The following SORBS2 variants were observed in gnomAD, a reference collection of about 807,000 sequenced individuals.
The protein encoded by SORBS2 is sorbin and SH3 domain containing 2.
Under a neutral mutation model 97.7 loss-of-function variants are expected in SORBS2, and 46 were observed. The observed-to-expected ratio is 0.47, with a 90% CI of 0.37 to 0.60. The LOEUF (loss-of-function observed/expected upper bound fraction) is 0.60. SORBS2 is among the 20% of genes least tolerant of loss of function. The pLI is 0.00. For missense variants in SORBS2, 1,316 were observed against 1,282.3 expected, an observed-to-expected ratio of 1.03 and a Z score of -0.40; for synonymous variants, 476 against 473.4, an observed-to-expected ratio of 1.01 and a Z score of -0.07.
intron 1 of SORBS2, among the ~76,000 whole-genome samples, chr4:185,937,769 G>A (rs1010006308): frequency 2.0e-5 from 3 of 152,254 alleles, no homozygotes; most frequent in Admixed American, 6.5e-5. Context: ...GAAGAGGGAT[G>A]CTGCCTCAGC....
At chr4:185,868,897 T>G (rs751673129) in intron 1 of SORBS2, among the ~76,000 whole-genome samples, 1 of 152,200 alleles carries the variant, frequency 6.6e-6, no homozygotes, top group Non-Finnish European at 1.5e-5. Context: ...ATATTCCACT[T>G]TAAATACAGG....
chr4:185,704,418 A>G (rs2098310705), intron 2 of SORBS2, among the ~76,000 whole-genome samples: 1 of 151,434 alleles, frequency 6.6e-6, no homozygotes, highest in African/African-American at 2.5e-5. Context: ...TCCCAGGTTC[A>G]AGCTCTTCTC....
rs566921907 is a variant in SORBS2 at position 185,666,295 on chromosome 4, G to A, written c.-45-4053C>T. 148 of 628,778 alleles carry A rather than the reference G, an allele frequency of 2.4e-4. 2 individuals are homozygous for A. The highest frequency in any genetic ancestry group is 1.4e-4 in the Non-Finnish European group (56 of 403,392). The allele number at this position is 628,778 out of a possible 1,614,324, so 38.9% of individuals were successfully genotyped here. A position where few individuals can be genotyped will look rare whatever the true frequency, so the allele number is the denominator to read the frequency against. ...GATGTGGCAGAGAAGGCAAAGCATC[G>A]GTTTTATTTGCAAGCACTTTAAGGA... is the stretch of plus-strand genomic sequence containing the variant. On this transcript the variant is annotated intron_variant, in intron 4 of 20. Transcript: ENST00000284776.
At chr4:185,928,279 C>T (rs1169149738) in intron 1 of SORBS2, among the ~76,000 whole-genome samples, 1 of 152,014 alleles carries the variant, frequency 6.6e-6, no homozygotes, top group African/African-American at 2.4e-5. Flanking sequence ...TGGTATGTGC[C>T]TGTGGTCCCA....
intron 11 of SORBS2, among the ~76,000 whole-genome samples, chr4:185,613,800 G>A (rs1422029921): frequency 6.6e-6 from 1 of 152,146 alleles, no homozygotes; most frequent in African/African-American, 2.4e-5. Context: ...AGGAGACAGA[G>A]TTCATGTAAT....
chr4:185,951,168 T>C (rs1225591989), intron 1 of SORBS2, among the ~76,000 whole-genome samples: 1 of 152,174 alleles, frequency 6.6e-6, no homozygotes, highest in Middle Eastern at 3.2e-3. Context: ...GTCCCAGCTG[T>C]TAACAGGTAT....
intron 2 of SORBS2, among the ~76,000 whole-genome samples, chr4:185,691,290 C>G (rs1185019868): frequency 6.6e-6 from 1 of 152,064 alleles, no homozygotes; most frequent in Non-Finnish European, 1.5e-5. Flanking sequence ...GCCTTAATTT[C>G]CCGGGCTCAA....
chr4:185,915,837 A>C (rs1406353623), intron 1 of SORBS2, among the ~76,000 whole-genome samples: 2 of 152,234 alleles, frequency 1.3e-5, no homozygotes, highest in African/African-American at 4.8e-5. Flanking sequence ...TAACACAAAA[A>C]AACCTAACCC....
At chr4:185,771,694 G>C (rs1007916457) in intron 2 of SORBS2, 2 of 152,170 alleles carry the variant, frequency 1.3e-5, no homozygotes, top group South Asian at 2.1e-4. Flanking sequence ...GAAATTTGAT[G>C]GCAATTTAAT....
At chr4:185,674,275 A>C (rs549300162) in intron 4 of SORBS2, among the ~76,000 whole-genome samples, 1 of 152,332 alleles carries the variant, frequency 6.6e-6, no homozygotes, top group South Asian at 2.1e-4. Flanking sequence ...GCTGATGGCG[A>C]TGCTATCTTC....
chr4:185,938,389 TACACACACACACACAC>T (rs34337257), intron 1 of SORBS2, among the ~76,000 whole-genome samples: 13 of 136,440 alleles, frequency 9.5e-5, no homozygotes, highest in Non-Finnish European at 7.9e-5. Context: ...TGTAGACACA[TACACACACACACACAC>T]ACACACACAC....
chr4:185,750,441 A>G (rs1045929209), intron 2 of SORBS2, among the ~76,000 whole-genome samples: 3 of 152,184 alleles, frequency 2.0e-5, no homozygotes, highest in African/African-American at 7.2e-5. Context: ...AGACTCACAT[A>G]TTCCGTAGCA....
At chr4:185,848,620 T>C (rs969235868) in intron 1 of SORBS2, among the ~76,000 whole-genome samples, 5 of 3,974 alleles carry the variant, frequency 1.3e-3, no homozygotes, top group Non-Finnish European at 2.8e-3. Context: ...GGATATCTCT[T>C]TTTTTTTTTT....
chr4:185,891,832 C>G (rs981628992), intron 1 of SORBS2, among the ~76,000 whole-genome samples: 1 of 152,078 alleles, frequency 6.6e-6, no homozygotes. Context: ...CAGGTGGTTA[C>G]AATAACTTTT....
intron 1 of SORBS2, among the ~76,000 whole-genome samples, chr4:185,655,660 G>T (rs1449911617): frequency 2.6e-5 from 4 of 152,160 alleles, no homozygotes; most frequent in Non-Finnish European, 5.9e-5. Flanking sequence ...GTTTGCTTAT[G>T]CATACCCAAA....
At chr4:185,628,475 G>T (rs1242883764) in intron 5 of SORBS2, among the ~76,000 whole-genome samples, 2 of 152,178 alleles carry the variant, frequency 1.3e-5, no homozygotes, top group Non-Finnish European at 2.9e-5. Context: ...AATGAAGGCT[G>T]AGTATGATGG....
intron 1 of SORBS2, among the ~76,000 whole-genome samples, chr4:185,949,903 G>C (rs2099276361): frequency 6.6e-6 from 1 of 151,870 alleles, no homozygotes; most frequent in Non-Finnish European, 1.5e-5. Flanking sequence ...TGGATGCCAA[G>C]AAGAGGGGAA....
chr4:185,847,869 G>A (rs1323120322), intron 1 of SORBS2, among the ~76,000 whole-genome samples: 1 of 152,114 alleles, frequency 6.6e-6, no homozygotes, highest in African/African-American at 2.4e-5. Flanking sequence ...CGTTTTTGAT[G>A]GCTAGTCTCA....
In SORBS2 at chr4:185,663,026, A is replaced by T. The variant is rs142244195; in HGVS notation, c.-45-784T>A. On this transcript the variant is annotated intron_variant, in intron 4 of 20. Transcript: ENST00000284776. ...CAGCCTAGTGCTGATGACAGAGTAG[A>T]TGTTCAATAGGTATCTATTCTGATG... 6.2e-3 allele frequency among the ~76,000 whole-genome samples: 952 copies of T among 152,336 alleles called. 4 individuals are homozygous for T. Among genetic ancestry groups the T allele is most frequent in the Middle Eastern group, 0.017 (5 of 294 alleles).
Sources: allele counts gnomAD v4.1 joint callset (sites outside exome capture counted in the v4.1 genomes callset), GRCh38; gene constraint gnomAD v4.1.1; transcripts MANE v1.5; gene names NCBI Gene and HGNC (gene_info 2026-07-23, HGNC 2026-07-21).